Variants in DISC1 observed in about 807,000 individuals in gnomAD.
DISC1 encodes the protein DISC1 scaffold protein.
DISC1 carries 57 observed loss-of-function variants against 84.5 expected under a neutral mutation model. The observed-to-expected ratio is 0.67, with a 90% CI of 0.55 to 0.84. DISC1 has a LOEUF of 0.84. Ranked by LOEUF, DISC1 falls within the 40% of genes least tolerant of loss-of-function variation. The pLI, the probability that DISC1 is intolerant of heterozygous loss-of-function variation, is 0.00. For missense variants in DISC1, 1,000 were observed against 1,057.8 expected (o/e 0.95, Z 0.76); for synonymous variants, 411 against 415.2 (o/e 0.99, Z 0.12).
At chr1:231,843,008 G>C (rs1315627662) in intron 9 of DISC1, among the ~76,000 whole-genome samples, 3 of 152,052 alleles carry the variant, frequency 2.0e-5, no homozygotes, top group African/African-American at 4.8e-5. Context: ...TACATGTGCT[G>C]AGCCTAACAG....
chr1:231,660,808 T>A (rs2061507419), intron 1 of DISC1, among the ~76,000 whole-genome samples: 1 of 152,190 alleles, frequency 6.6e-6, no homozygotes, highest in Non-Finnish European at 1.5e-5. Flanking sequence ...GATCCTGTCA[T>A]CATGATGCTA....
chr1:232,015,619 A>G (rs821646), intron 11 of DISC1, among the ~76,000 whole-genome samples: 52,352 of 151,570 alleles, frequency 0.35, 9,276 homozygotes, highest in East Asian at 0.42. Flanking sequence ...AAGAGCTTCC[A>G]CTCCCCAGGA....
intron 3 of DISC1, among the ~76,000 whole-genome samples, chr1:231,715,936 G>T (rs978169697): frequency 6.6e-5 from 10 of 152,180 alleles, no homozygotes; most frequent in African/African-American, 2.2e-4. Context: ...CAGAATGTCA[G>T]TGTGGCCACG....
intron 9 of DISC1, among the ~76,000 whole-genome samples, chr1:231,870,552 G>A (rs2085384731): frequency 6.6e-6 from 1 of 152,204 alleles, no homozygotes; most frequent in Non-Finnish European, 1.5e-5. Flanking sequence ...GGCGGCTGGA[G>A]CAGGGTGTGC....
At chr1:231,853,395 A>G (rs1274354812) in intron 9 of DISC1, among the ~76,000 whole-genome samples, 2 of 152,218 alleles carry the variant, frequency 1.3e-5, no homozygotes, top group African/African-American at 2.4e-5. Flanking sequence ...GGTGCAGCCT[A>G]TTGCTCCTAG....
At chr1:231,910,655 A>C (rs2089124240) in intron 9 of DISC1, among the ~76,000 whole-genome samples, 1 of 152,090 alleles carries the variant, frequency 6.6e-6, no homozygotes, top group Admixed American at 6.6e-5. Context: ...TATTCTGTTG[A>C]TTTGGGGTGG....
At chr1:231,717,331 C>T (rs774709728) in intron 3 of DISC1, among the ~76,000 whole-genome samples, 6 of 152,166 alleles carry the variant, frequency 3.9e-5, no homozygotes, top group South Asian at 4.1e-4. Context: ...GGGCATCTCA[C>T]GAGTGGGTAG....
intron 9 of DISC1, among the ~76,000 whole-genome samples, chr1:231,909,966 A>T (rs1571989322): frequency 6.6e-6 from 1 of 152,064 alleles, no homozygotes; most frequent in East Asian, 1.9e-4. Flanking sequence ...ATTTGCATAG[A>T]GGTGTTTATA....
chr1:231,817,548 CTTTAA>C (rs1290216949), intron 8 of DISC1, among the ~76,000 whole-genome samples: 2 of 152,214 alleles, frequency 1.3e-5, no homozygotes, highest in African/African-American at 4.8e-5. Flanking sequence ...AATTATTTGT[CTTTAA>C]TTTGTCTCAG....
intron 1 of DISC1, 57 bp from the exon 2 acceptor site, chr1:231,693,769 C>T: frequency 6.2e-7 from 1 of 1,610,212 alleles, no homozygotes. Context: ...AGATGCAGTT[C>T]CAGCTGGGCC....
intron 9 of DISC1, among the ~76,000 whole-genome samples, chr1:231,947,958 A>G (rs1203674302): frequency 2.6e-5 from 4 of 152,228 alleles, no homozygotes; most frequent in African/African-American, 9.6e-5. Flanking sequence ...TCAGGAAACA[A>G]CAGATGCTGG....
chr1:232,036,853 GA>G lies in DISC1; in HGVS notation c.*23del. On this transcript the variant is annotated 3_prime_UTR_variant, in exon 13 of 13. Coordinates refer to ENST00000439617, the MANE Select transcript of DISC1 (RefSeq NM_018662.3). ...CTGAGGAGTGACGGGATGGGGGAGGGAGGTGGGCCACCATGTTTGGACCCGG... is the reference window on the plus strand; with the variant it reads ...CTGAGGAGTGACGGGATGGGGGAGGGGGTGGGCCACCATGTTTGGACCCGG... 1 of 1,523,610 alleles carries G rather than the reference GA, an allele frequency of 6.6e-7. No homozygotes were observed. Among genetic ancestry groups the G allele is most frequent in the Non-Finnish European group, 8.9e-7 (1 of 1,121,542 alleles). The allele number at this position is 1,523,610 out of a possible 1,614,324, so 94.4% of individuals were successfully genotyped here. A position where few individuals can be genotyped will look rare whatever the true frequency, so the allele number is the denominator to read the frequency against.
At chr1:231,864,193 T>C (rs778308981) in intron 9 of DISC1, among the ~76,000 whole-genome samples, 40 of 152,236 alleles carry the variant, frequency 2.6e-4, no homozygotes, top group Non-Finnish European at 4.1e-4. Flanking sequence ...TTCTCATTTC[T>C]GAGGGCAAAT....
At chr1:232,029,432 A>G (rs1282627800) in intron 12 of DISC1, among the ~76,000 whole-genome samples, 1 of 152,254 alleles carries the variant, frequency 6.6e-6, no homozygotes, top group Non-Finnish European at 1.5e-5. Flanking sequence ...GTTTCAAATT[A>G]GAGCTTATCT....
intron 9 of DISC1, among the ~76,000 whole-genome samples, chr1:231,878,853 A>G (rs1012233326): frequency 6.6e-6 from 1 of 152,196 alleles, no homozygotes; most frequent in African/African-American, 2.4e-5. Flanking sequence ...TTGACCATTT[A>G]GAAACTTTAT....
intron 9 of DISC1, among the ~76,000 whole-genome samples, chr1:231,862,715 G>C (rs1253356549): frequency 6.6e-6 from 1 of 152,152 alleles, no homozygotes; most frequent in African/African-American, 2.4e-5. Flanking sequence ...GAAACATCTG[G>C]ATATCTTTGC....
At chr1:231,663,179 TATC>T (rs1572629680) in intron 1 of DISC1, among the ~76,000 whole-genome samples, 1 of 152,188 alleles carries the variant, frequency 6.6e-6, no homozygotes, top group Admixed American at 6.5e-5. Context: ...TCTACACTAA[TATC>T]ATAAAATAGA....
At chr1:231,991,023 T>C (rs1665133669) in intron 10 of DISC1, among the ~76,000 whole-genome samples, 1 of 152,250 alleles carries the variant, frequency 6.6e-6, no homozygotes, top group African/African-American at 2.4e-5. Flanking sequence ...AGGCGGCACC[T>C]GTGTGCCAAG....
intron 10 of DISC1, among the ~76,000 whole-genome samples, chr1:231,980,299 A>G (rs559343065): frequency 1.3e-5 from 2 of 152,340 alleles, no homozygotes; most frequent in East Asian, 3.9e-4. Flanking sequence ...GAAATAGACC[A>G]TTATTTACTT....
Sources: allele counts gnomAD v4.1 joint callset (sites outside exome capture counted in the v4.1 genomes callset), GRCh38; gene constraint gnomAD v4.1.1; transcripts MANE v1.5; gene names NCBI Gene and HGNC (gene_info 2026-07-23, HGNC 2026-07-21).